STXBP5: variants seen among roughly 807,000 people sequenced by gnomAD.
STXBP5 encodes syntaxin-binding protein 5.
Under a neutral mutation model 152.4 loss-of-function variants are expected in STXBP5, and 50 were observed. That is an observed-to-expected ratio of 0.33 (90% CI 0.26 to 0.42). The LOEUF is 0.42. Ranked by LOEUF, STXBP5 falls within the 10% of genes least tolerant of loss-of-function variation. The probability of loss-of-function intolerance (pLI) is 1.00; values close to 1 mark genes in which losing one functional copy is unlikely to be tolerated. For missense variants in STXBP5, 1,167 were observed against 1,388.6 expected, an observed-to-expected ratio of 0.84 and a Z score of 2.54; for synonymous variants, 492 against 494.7, an observed-to-expected ratio of 0.99 and a Z score of 0.07.
intron 16 of STXBP5, among the ~76,000 whole-genome samples, chr6:147,319,356 G>A (rs1782798197): frequency 6.6e-6 from 1 of 151,970 alleles, no homozygotes; most frequent in Admixed American, 6.6e-5. Context: ...ACAAAAGTAA[G>A]TCCAAAATTG....
chr6:147,218,810 C>T (rs769440718), intron 2 of STXBP5, among the ~76,000 whole-genome samples: 2 of 152,174 alleles, frequency 1.3e-5, no homozygotes, highest in Non-Finnish European at 2.9e-5. Flanking sequence ...CATATCCTGG[C>T]CACCTTGCTA....
chr6:147,238,712 G>T (rs985254590), intron 3 of STXBP5, among the ~76,000 whole-genome samples: 5 of 152,030 alleles, frequency 3.3e-5, no homozygotes, highest in East Asian at 1.9e-4. Context: ...TTTATTTTCC[G>T]TACCATTCTA....
At chr6:147,305,551 T>A (rs1037282979) in intron 9 of STXBP5, among the ~76,000 whole-genome samples, 1 of 152,200 alleles carries the variant, frequency 6.6e-6, no homozygotes, top group Non-Finnish European at 1.5e-5. Flanking sequence ...AATTGACATA[T>A]AATCTGCAAA....
At chr6:147,262,535 A>G (rs972107725) in intron 6 of STXBP5, among the ~76,000 whole-genome samples, 182 bp downstream of exon 6, 2 of 152,032 alleles carry the variant, frequency 1.3e-5, no homozygotes, top group African/African-American at 4.8e-5. Flanking sequence ...ATCATTTACA[A>G]TTTTAAAGGA....
At position 147,334,231 on chromosome 6, in the gene STXBP5, G is replaced by GT. The variant is rs559825275; in HGVS notation, c.2146+18dup. The GT allele has an allele frequency of 3.5e-4, 562 of 1,593,128 alleles. 1 individual carries two copies. Among genetic ancestry groups the GT allele is most frequent in the East Asian group, 1.2e-3 (55 of 44,174 alleles). ...CAAATCTCCAACCTCTGGTAATTTG[G>GT]TTTTTTTTTATTTCATTAATAATTA... On this transcript the variant is annotated intron_variant, in intron 19 of 27. Coordinates refer to ENST00000321680, the MANE Select transcript of STXBP5 (RefSeq NM_001127715.4).
rs1786329683 is a variant in STXBP5 at position 147,386,170 on chromosome 6, T to C, written c.*1415T>C. On this transcript the variant is annotated 3_prime_UTR_variant, in exon 28 of 28. Coordinates refer to ENST00000321680, the MANE Select transcript of STXBP5 (RefSeq NM_001127715.4). ...ACTAATCTGAGATTATTATTGATTG[T>C]TGTTAAAGCAACCCAGCAAAAGCAA... 2 of 151,994 alleles carry C rather than the reference T, an allele frequency of 1.3e-5. No homozygotes were observed. The highest frequency in any genetic ancestry group is 1.3e-4 in the Admixed American group (2 of 15,228). The allele number at this position is 151,994 out of a possible 1,614,324, so 9.4% of individuals were successfully genotyped here.
intron 2 of STXBP5, among the ~76,000 whole-genome samples, chr6:147,227,844 A>G (rs947406812): frequency 1.3e-5 from 2 of 152,104 alleles, no homozygotes; most frequent in African/African-American, 2.4e-5. Flanking sequence ...TTTCAAAGTC[A>G]AGTGATATCT....
chr6:147,313,957 G>T lies in STXBP5; in HGVS notation c.1219G>T (p.Asp407Tyr). 1 of 1,604,258 alleles carries T rather than the reference G, an allele frequency of 6.2e-7. No homozygotes were observed. Among genetic ancestry groups the T allele is most frequent in the Non-Finnish European group, 8.5e-7 (1 of 1,173,444 alleles). The stretch of plus-strand genomic sequence containing the variant: ...TGTTACATGTTGCGAATATTTTGCG[G>T]ATTGTCCTGTGGACCTTATTCCTGC... ...SPVTCCEYFA[D>Y]CPVDLIPALY... The change falls in exon 12 of 28, where the codon GAT becomes TAT. Residue 407 changes from aspartate to tyrosine, a missense_variant. By Grantham distance (160) the Asp-to-Tyr change is radical (BLOSUM62 -3). Around this residue, in one of 3 missense-constraint regions of STXBP5, gnomAD observed 833 missense variants for 986.3 expected, o/e 0.84. Coordinates refer to ENST00000321680, the MANE Select transcript of STXBP5 (RefSeq NM_001127715.4).
intron 21 of STXBP5, among the ~76,000 whole-genome samples, chr6:147,339,798 G>C (rs1372272387): frequency 6.6e-6 from 1 of 151,836 alleles, no homozygotes; most frequent in East Asian, 1.9e-4. Context: ...TTTTCTAAAA[G>C]ATTGACTCTT....
intron 2 of STXBP5, among the ~76,000 whole-genome samples, chr6:147,225,344 A>C (rs1777655913): frequency 6.6e-6 from 1 of 152,168 alleles, no homozygotes. Context: ...TAAACTTTGC[A>C]AGATATAAAT....
At chr6:147,325,160 G>A (rs1582946773) in intron 17 of STXBP5, 76 bp downstream of exon 17, 1 of 1,291,262 alleles carries the variant, frequency 7.7e-7, no homozygotes, top group Admixed American at 3.1e-5. Context: ...AAATAGAAAG[G>A]ATGGTCTTTG....
Position 147,363,590 on chromosome 6 carries a change from C to T in STXBP5, c.2801C>T (p.Ala934Val), listed in dbSNP as rs1306962746. The T allele has an allele frequency of 4.3e-6, 7 of 1,614,140 alleles. No homozygotes were observed. The highest frequency in any genetic ancestry group is 5.9e-6 in the Non-Finnish European group (7 of 1,180,030). The change falls in exon 24 of 28, where the codon GCT (alanine) becomes GTT (valine). Residue 934 changes from alanine (A) to valine (V), a missense_variant. Ala to Val is a moderately conservative substitution (Grantham distance 64). Coordinates refer to ENST00000321680, the MANE Select transcript of STXBP5 (RefSeq NM_001127715.4). ...KVISLPTQNC[A>V]YKQNITETSF... ...ATCTCACTGCCAACCCAGAACTGTG[C>T]TTATAAGCAAAATATTACAGAGACC... is the stretch of plus-strand genomic sequence containing the variant.
chr6:147,204,437 C>T lies in STXBP5; in HGVS notation c.-96C>T, dbSNP rs1776426620. The stretch of plus-strand genomic sequence containing the variant: ...CCCTCACACTCCCACTCCTCCGTTT[C>T]CGCGGTCGAAGCTGCCTTCGGCCCC... On this transcript the variant is annotated 5_prime_UTR_variant, in exon 1 of 28. Transcript: ENST00000321680. This position sits in a 1 kb window ranked among gnomAD's most constrained non-coding sequence, Gnocchi z 4.3. 2.4e-6 allele frequency: 3 copies of T among 1,249,124 alleles called. No individual in the cohort carries two copies. The highest frequency in any genetic ancestry group is 2.3e-5 in the Admixed American group (1 of 44,168). 77.4% of individuals were successfully genotyped at this position (1,249,124 alleles called of 1,614,324 possible). A position where few individuals can be genotyped will look rare whatever the true frequency, so the allele number is the denominator to read the frequency against.
chr6:147,358,134 C>T (rs1784893189), intron 22 of STXBP5, among the ~76,000 whole-genome samples: 2 of 150,926 alleles, frequency 1.3e-5, no homozygotes, highest in African/African-American at 4.9e-5. Flanking sequence ...ATGTGGATTG[C>T]AGTTAAAATG....
intron 23 of STXBP5, among the ~76,000 whole-genome samples, chr6:147,361,148 G>A (rs1785047373): frequency 6.6e-6 from 1 of 152,048 alleles, no homozygotes; most frequent in South Asian, 2.1e-4. Flanking sequence ...ATGTTAACAG[G>A]AGTTATCACT....
intron 26 of STXBP5, among the ~76,000 whole-genome samples, chr6:147,376,665 A>G (rs184523983): frequency 6.6e-6 from 1 of 151,992 alleles, no homozygotes; most frequent in African/African-American, 2.4e-5. Flanking sequence ...AAAAATTTAA[A>G]AATTTAGTGG....
chr6:147,276,074 CT>C (rs1780429589), intron 7 of STXBP5, among the ~76,000 whole-genome samples: 1 of 152,048 alleles, frequency 6.6e-6, no homozygotes, highest in Non-Finnish European at 1.5e-5. Flanking sequence ...GATTTTCTCA[CT>C]TTGTTTACGT....
chr6:147,335,871 A>T (rs1783801821), intron 19 of STXBP5, among the ~76,000 whole-genome samples: 1 of 152,256 alleles, frequency 6.6e-6, no homozygotes, highest in South Asian at 2.1e-4. Flanking sequence ...GAGAAACTCA[A>T]ACATGGTTCA....
Position 147,327,215 on chromosome 6 carries a change from C to G in STXBP5, c.2019C>G (p.Gly673=). 2 of 1,614,016 alleles carry G rather than the reference C, an allele frequency of 1.2e-6. No individual in the cohort carries two copies. The highest frequency in any genetic ancestry group is 1.7e-6 in the Non-Finnish European group (2 of 1,179,948). Residue 673 remains glycine, a synonymous_variant, in exon 18 of 28, where the codon GGC becomes GGG. Transcript: ENST00000321680. ...ACCTGGGCACTATTGAATTATATGGCTCTAATGATCCTTATCGGAGAGAAC... is the reference window on the plus strand; with the variant it reads ...ACCTGGGCACTATTGAATTATATGGGTCTAATGATCCTTATCGGAGAGAAC... ...LLNLGTIELY[G]SNDPYRREPR...
Sources: gnomAD v4.1 joint callset for allele counts (sites outside exome capture counted in the v4.1 genomes callset) on GRCh38, gnomAD v4.1.1 for gene constraint, gnomAD v4.1.1 regional missense constraint, Gnocchi (gnomAD v3.1) non-coding constraint, MANE v1.5 for transcripts, NCBI Gene and HGNC (gene_info 2026-07-23, HGNC 2026-07-21) for gene names.